The following MARK3 variants were observed in gnomAD, a reference collection of about 807,000 sequenced individuals.
MARK3 encodes the protein MAP/microtubule affinity-regulating kinase 3.
In MARK3, 46 loss-of-function variants were observed where a neutral mutation model predicts 90.1. The ratio of observed to expected loss-of-function variants is 0.51; its 90% CI spans 0.40 to 0.65. The LOEUF (loss-of-function observed/expected upper bound fraction) is 0.65, where lower values mean the gene tolerates loss of function less well. MARK3 is among the 30% of genes least tolerant of loss of function. The pLI is 0.00. For synonymous variants in MARK3, 321 were observed against 332.6 expected, an observed-to-expected ratio of 0.97 and a Z score of 0.38; for missense variants, 818 against 947.2, an observed-to-expected ratio of 0.86 and a Z score of 1.79.
At chr14:103,402,528 C>CA (rs2091025816) in intron 1 of MARK3, among the ~76,000 whole-genome samples, 2 of 144,504 alleles carry the variant, frequency 1.4e-5, no homozygotes, top group South Asian at 4.4e-4. Context: ...CTCCAGCTGA[C>CA]AGAGTGAGAC....
rs371693376 is a variant in MARK3, at chr14:103,465,810, C to A, written c.777+17C>A. ...AACCTAAAGGTATAAGAAGCTGCAC[C>A]CATGTACTTCACTAAACTAAAAGAA... On this transcript the variant is annotated intron_variant, in intron 8 of 17. Transcript: ENST00000429436. The A allele has an allele frequency of 1.3e-6, 2 of 1,590,282 alleles. No homozygotes were observed. Among genetic ancestry groups the A allele is most frequent in the South Asian group, 2.3e-5 (2 of 88,366 alleles).
At chr14:103,411,860 A>G (rs965537078) in intron 2 of MARK3, among the ~76,000 whole-genome samples, 3 of 151,878 alleles carry the variant, frequency 2.0e-5, no homozygotes, top group African/African-American at 7.3e-5. Context: ...TGAACCCATG[A>G]ACTGCCCACC....
At chr14:103,476,004 T>TA (rs1268474429) in intron 13 of MARK3, among the ~76,000 whole-genome samples, 1 of 151,860 alleles carries the variant, frequency 6.6e-6, no homozygotes, top group East Asian at 1.9e-4. Context: ...CCTAAACACC[T>TA]AAAAGACTCA....
intron 11 of MARK3, chr14:103,467,815 C>G (rs1196970267): frequency 2.5e-6 from 1 of 398,286 alleles, no homozygotes; most frequent in African/African-American, 2.1e-5. Flanking sequence ...TTGAGAAAGC[C>G]TGGAAAGAAA....
chr14:103,450,919 T>TGTGTG (rs374293977), intron 4 of MARK3, among the ~76,000 whole-genome samples: 27 of 79,890 alleles, frequency 3.4e-4, no homozygotes, highest in South Asian at 1.7e-3. Context: ...TGTGTGTGTA[T>TGTGTG]TCTTTTTTTT....
At chr14:103,448,806 G>T in intron 3 of MARK3, 113 bp from the exon 4 acceptor site, 1 of 1,024,304 alleles carries the variant, frequency 9.8e-7, no homozygotes. Context: ...ATAAACATTA[G>T]CAATGAATCT....
At position 103,423,423 on chromosome 14, in the gene MARK3, G is replaced by A. The variant is rs76782361; in HGVS notation, c.244-4964G>A. 7.7e-3 allele frequency among the ~76,000 whole-genome samples: 1,177 copies of A among 152,202 alleles called. 42 individuals are homozygous for A. Among genetic ancestry groups the A allele is most frequent in the East Asian group, 0.075 (389 of 5,184 alleles). On this transcript the variant is annotated intron_variant, in intron 2 of 17. Transcript: ENST00000429436. ...ATTCCACTTTGCTGCTGGCATCAGA[G>A]TGAATGTAAATGGAATTTCCCAGAA...
chr14:103,498,301 A>G (rs1235657472), intron 15 of MARK3, among the ~76,000 whole-genome samples: 1 of 151,904 alleles, frequency 6.6e-6, no homozygotes, highest in East Asian at 1.9e-4. Context: ...TTTTTTTGAT[A>G]TATTAAAAGA....
chr14:103,483,171 T>A (rs1408317820), intron 14 of MARK3, among the ~76,000 whole-genome samples: 1 of 152,208 alleles, frequency 6.6e-6, no homozygotes, highest in African/African-American at 2.4e-5. Flanking sequence ...TTGTTCCTTT[T>A]CCCTCTCTTC....
chr14:103,398,997 T>C (rs1413912932), intron 1 of MARK3, among the ~76,000 whole-genome samples: 1 of 152,184 alleles, frequency 6.6e-6, no homozygotes, highest in Non-Finnish European at 1.5e-5. Context: ...AGTGTAAAGT[T>C]GTTGCTGTTT....
At chr14:103,401,032 ATAAT>A (rs1434148846) in intron 1 of MARK3, among the ~76,000 whole-genome samples, 1 of 149,014 alleles carries the variant, frequency 6.7e-6, no homozygotes, top group African/African-American at 2.5e-5. Context: ...CGTGTATGAA[ATAAT>A]TGATTAACAG....
At chr14:103,444,232 A>T (rs963871627) in intron 3 of MARK3, among the ~76,000 whole-genome samples, 1 of 151,474 alleles carries the variant, frequency 6.6e-6, no homozygotes, top group African/African-American at 2.4e-5. Context: ...TACTTCTCTG[A>T]TACCGTAGAT....
chr14:103,430,667 C>T (rs976475371), intron 3 of MARK3, among the ~76,000 whole-genome samples: 19 of 152,150 alleles, frequency 1.2e-4, no homozygotes, highest in African/African-American at 4.6e-4. Flanking sequence ...ACAGTGAACA[C>T]ACGTGTTAAA....
At chr14:103,388,940 A>G (rs1472210087) in intron 1 of MARK3, among the ~76,000 whole-genome samples, 2 of 152,176 alleles carry the variant, frequency 1.3e-5, no homozygotes, top group Admixed American at 1.3e-4. Context: ...ATTTTTGGCT[A>G]TTGTGACTAG....
At chr14:103,408,063 CCTT>C (rs2091420501) in intron 2 of MARK3, among the ~76,000 whole-genome samples, 2 of 152,278 alleles carry the variant, frequency 1.3e-5, no homozygotes, top group East Asian at 1.9e-4. Flanking sequence ...TTGTCTGTCT[CCTT>C]CTCTAGTTTG....
Position 103,502,910 on chromosome 14 carries a change from G to A in MARK3, c.1945G>A (p.Glu649Lys). 6.2e-7 allele frequency: 1 copy of A among 1,612,440 alleles called. No homozygotes were observed. Among genetic ancestry groups the A allele is most frequent in the Non-Finnish European group, 8.5e-7 (1 of 1,178,612 alleles). ...SRNVSAEQKD[E>K]NKEAKPRSLR... is the part of the protein sequence containing the mutation. ...CAATGTATCTGCTGAGCAAAAAGATGAAAACAAAGAAGCAAAGCCTCGATC... is the reference window on the plus strand; with the variant it reads ...CAATGTATCTGCTGAGCAAAAAGATAAAAACAAAGAAGCAAAGCCTCGATC... The change falls in exon 18 of 18, where the codon GAA becomes AAA. Residue 649 changes from glutamate (E) to lysine (K), a missense_variant. Physicochemically the swap from Glu to Lys is moderately conservative, Grantham distance 56. Around this residue, in one of 3 missense-constraint regions of MARK3, gnomAD observed 560 missense variants for 613.5 expected, o/e 0.91. Coordinates refer to ENST00000429436, the MANE Select transcript of MARK3 (RefSeq NM_001128918.3).
chr14:103,386,875 A>C (rs1198862985), intron 1 of MARK3, among the ~76,000 whole-genome samples: 2 of 152,200 alleles, frequency 1.3e-5, no homozygotes, highest in African/African-American at 4.8e-5. Context: ...GATTTTGTTC[A>C]TGTGAAACTA....
chr14:103,431,050 AC>A (rs1235564704), intron 3 of MARK3, among the ~76,000 whole-genome samples: 2 of 151,636 alleles, frequency 1.3e-5, no homozygotes, highest in Non-Finnish European at 2.9e-5. Flanking sequence ...TTCTATTCTT[AC>A]GCATCTTTTA....
rs1455969364 is a variant in MARK3 at position 103,424,142 on chromosome 14, G to A, written c.244-4245G>A. 7.2e-5 allele frequency among the ~76,000 whole-genome samples: 11 copies of A among 152,156 alleles called. No homozygotes were observed. The East Asian group carries it at 1.5e-3, about 21-fold the overall frequency. ...CGAGAATTGCTCGAACCCGGGAGGC[G>A]GAGGTTGCAGTGAGCCAAGATCACG... On this transcript the variant is annotated intron_variant, in intron 2 of 17. Transcript: ENST00000429436.
Sources: gnomAD v4.1 joint callset for allele counts (sites outside exome capture counted in the v4.1 genomes callset) on GRCh38, gnomAD v4.1.1 for gene constraint, gnomAD v4.1.1 regional missense constraint, MANE v1.5 for transcripts, NCBI Gene and HGNC (gene_info 2026-07-23, HGNC 2026-07-21) for gene names.